UGGT1: variants seen among roughly 807,000 people sequenced by gnomAD.
UGGT1 encodes UDP-glucose:glycoprotein glucosyltransferase 1.
Under a neutral mutation model 203.9 loss-of-function variants are expected in UGGT1, and 107 were observed. The observed-to-expected ratio is 0.52, with a 90% CI of 0.45 to 0.62. UGGT1 has a LOEUF of 0.62. UGGT1 is among the 20% of genes least tolerant of loss of function. The pLI, the probability that UGGT1 is intolerant of heterozygous loss-of-function variation, is 0.00. For missense variants in UGGT1, 1,673 were observed against 1,867.2 expected (o/e 0.90, Z 1.92); for synonymous variants, 628 against 653.5 (o/e 0.96, Z 0.59).
intron 6 of UGGT1, 48 bp downstream of exon 6, chr2:128,113,306 C>A: frequency 6.9e-7 from 1 of 1,457,522 alleles, no homozygotes; most frequent in East Asian, 2.4e-5. Flanking sequence ...ATTTGCCTAG[C>A]ATGACTTTAG....
chr2:128,170,537 A>G (rs886417399), intron 27 of UGGT1, 147 bp downstream of exon 27: 3 of 650,934 alleles, frequency 4.6e-6, no homozygotes, highest in African/African-American at 3.6e-5. Flanking sequence ...AATCTTTACA[A>G]AGATTGACAG....
rs1475267233 is a variant in UGGT1 at position 128,142,665 on chromosome 2, A to G, written c.1720-429A>G. 1.3e-5 allele frequency among the ~76,000 whole-genome samples: 2 copies of G among 151,216 alleles called. 1 individual carries two copies. The highest frequency in any genetic ancestry group is 3.0e-5 in the Non-Finnish European group (2 of 67,766). ...GGTATATGGAAAAGGAAGAATTGCT[A>G]ACATGTCCCAATTTGACCTTTCAAG... On this transcript the variant is annotated intron_variant, in intron 16 of 40. Transcript: ENST00000259253.
Position 128,120,410 on chromosome 2 carries a change from A to G in UGGT1, c.927A>G (p.Val309=). The G allele has an allele frequency of 6.2e-7, 1 of 1,614,110 alleles. No individual in the cohort carries two copies. The highest frequency in any genetic ancestry group is 8.5e-7 in the Non-Finnish European group (1 of 1,179,974). ...GQLKELRKHL[V]ESTNEMAPLK... Reference sequence around the variant, plus strand: ...TGAAAGAACTCAGAAAGCATCTTGTAGAGAGCACCAATGAAATGGCACCTT... The same window carrying G: ...TGAAAGAACTCAGAAAGCATCTTGTGGAGAGCACCAATGAAATGGCACCTT... The change falls in exon 9 of 41, where the codon GTA becomes GTG. Residue 309 remains valine, a synonymous_variant. Transcript: ENST00000259253.
chr2:128,129,924 CAT>C, intron 13 of UGGT1, among the ~76,000 whole-genome samples: 2 of 152,168 alleles, frequency 1.3e-5, no homozygotes, highest in Middle Eastern at 6.8e-3. Flanking sequence ...TTTTGCCTGC[CAT>C]ATGATCTTTC....
At chr2:128,116,453 C>G in intron 8 of UGGT1, 110 bp downstream of exon 8, 1 of 691,944 alleles carries the variant, frequency 1.4e-6, no homozygotes, top group Non-Finnish European at 2.6e-6. Flanking sequence ...TTCTCATCTC[C>G]TAACAGTACT....
chr2:128,104,512 G>A (rs1366637364), intron 3 of UGGT1, among the ~76,000 whole-genome samples: 1 of 152,224 alleles, frequency 6.6e-6, no homozygotes, highest in African/African-American at 2.4e-5. Flanking sequence ...CAGTTTTTAT[G>A]ATGTGCTTTC....
chr2:128,126,684 CTT>C lies in UGGT1; in HGVS notation c.1135-660_1135-659del, dbSNP rs61353741. ...TGCTATTCACCAGCTCAGGGTCAGT[CTT>C]TTTTTTTTTTTTTTTTGAGACAGTC... is the stretch of plus-strand genomic sequence containing the variant. On this transcript the variant is annotated intron_variant, in intron 11 of 40. Coordinates refer to ENST00000259253, the MANE Select transcript of UGGT1 (RefSeq NM_020120.4). 4.9e-3 allele frequency among the ~76,000 whole-genome samples: 584 copies of C among 119,688 alleles called. 2 individuals carry two copies. Among genetic ancestry groups the C allele is most frequent in the African/African-American group, 0.017 (552 of 32,274 alleles). 78.5% of individuals were successfully genotyped at this position (119,688 alleles called of 152,430 possible). A position where few individuals can be genotyped will look rare whatever the true frequency, so the allele number is the denominator to read the frequency against.
rs397747598 is a variant in UGGT1, at chr2:128,134,047, C to CA, written c.1497+788dup. On this transcript the variant is annotated intron_variant, in intron 14 of 40. Coordinates refer to ENST00000259253, the MANE Select transcript of UGGT1 (RefSeq NM_020120.4). The stretch of plus-strand genomic sequence containing the variant: ...TCTTGTCTGTCTCTTTTCTTCCCCC[C>CA]ACTCCCGCAGAAAGAGTCTTGCTCT... Among the ~76,000 whole-genome samples the CA allele has an allele frequency of 3.8e-3, 579 of 151,948 alleles. 8 individuals are homozygous for CA. Among genetic ancestry groups the CA allele is most frequent in the Middle Eastern group, 0.017 (5 of 292 alleles).
In UGGT1 at chr2:128,195,562, G is replaced by C. The variant is rs1692475622; in HGVS notation, c.*5820G>C. 6.6e-6 allele frequency: 1 copy of C among 152,156 alleles called. No homozygotes were observed. The highest frequency in any genetic ancestry group is 2.1e-4 in the South Asian group (1 of 4,824). The allele number at this position is 152,156 out of a possible 1,614,324, so 9.4% of individuals were successfully genotyped here. A position where few individuals can be genotyped will look rare whatever the true frequency, so the allele number is the denominator to read the frequency against. ...GCCTCTTGCTTGGGAACAGCATTGG[G>C]CTTTTAAATGTCTGCAGAATCTCTG... On this transcript the variant is annotated 3_prime_UTR_variant, in exon 41 of 41. Coordinates refer to ENST00000259253, the MANE Select transcript of UGGT1 (RefSeq NM_020120.4).
chr2:128,102,968 C>T (rs367609170), intron 2 of UGGT1: 1 of 440,382 alleles, frequency 2.3e-6, no homozygotes, highest in African/African-American at 2.1e-5. Context: ...TTCAAGGAGG[C>T]ATTGAGAAAT....
chr2:128,170,056 TC>T (rs1691014286), intron 26 of UGGT1, among the ~76,000 whole-genome samples: 1 of 152,236 alleles, frequency 6.6e-6, no homozygotes, highest in Admixed American at 6.5e-5. Flanking sequence ...AAATACAGTT[TC>T]AAGCTGCTTT....
At chr2:128,128,457 A>C (rs1165448821) in intron 12 of UGGT1, among the ~76,000 whole-genome samples, 1 of 151,786 alleles carries the variant, frequency 6.6e-6, no homozygotes, top group African/African-American at 2.4e-5. Flanking sequence ...GATTACAGGC[A>C]CCTGCCACCA....
chr2:128,170,850 A>G (rs1262369006), intron 27 of UGGT1, among the ~76,000 whole-genome samples: 1 of 152,186 alleles, frequency 6.6e-6, no homozygotes, highest in African/African-American at 2.4e-5. Flanking sequence ...TGCCGAATAA[A>G]TCTCTAACCT....
chr2:128,178,709 A>AT, intron 34 of UGGT1, 140 bp downstream of exon 34: 3 of 729,360 alleles, frequency 4.1e-6, no homozygotes, highest in Non-Finnish European at 6.6e-6. Context: ...CTGGCTTGCC[A>AT]TTTATCATTG....
chr2:128,097,343 C>T (rs1687156308), intron 1 of UGGT1, 86 bp from the exon 2 acceptor site: 1 of 1,487,406 alleles, frequency 6.7e-7, no homozygotes, highest in Non-Finnish European at 9.0e-7. Context: ...CCACTGCACT[C>T]CAGCCTGGGC....
intron 26 of UGGT1, among the ~76,000 whole-genome samples, chr2:128,167,242 G>A (rs2104767058): frequency 6.6e-6 from 1 of 152,272 alleles, no homozygotes; most frequent in East Asian, 1.9e-4. Context: ...TCCCTTTTCA[G>A]AAATCTTCTT....
chr2:128,161,323 T>A, intron 25 of UGGT1, 55 bp downstream of exon 25: 1 of 1,586,512 alleles, frequency 6.3e-7, no homozygotes. Flanking sequence ...CTTTCCTCAT[T>A]GATCAGTTAG....
At position 128,112,474 on chromosome 2, in the gene UGGT1, T is replaced by A. The variant is rs1303557476; in HGVS notation, c.522-610T>A. The stretch of plus-strand genomic sequence containing the variant: ...CTATGTTATATATATATATATATAT[T>A]ACATACATACATACTCAAGTTTTAG... On this transcript the variant is annotated intron_variant, in intron 5 of 40. Coordinates refer to ENST00000259253, the MANE Select transcript of UGGT1 (RefSeq NM_020120.4). Among the ~76,000 whole-genome samples the A allele has an allele frequency of 4.9e-4, 16 of 32,484 alleles. 2 individuals are homozygous for A. Among genetic ancestry groups the A allele is most frequent in the Admixed American group, 4.5e-3 (12 of 2,656 alleles). The allele number at this position is 32,484 out of a possible 152,430, so 21.3% of individuals were successfully genotyped here. A position where few individuals can be genotyped will look rare whatever the true frequency, so the allele number is the denominator to read the frequency against.
chr2:128,147,645 C>G (rs1025886725), intron 18 of UGGT1, among the ~76,000 whole-genome samples: 1 of 151,714 alleles, frequency 6.6e-6, no homozygotes, highest in African/African-American at 2.4e-5. Flanking sequence ...GGGTCTCGCT[C>G]TGTCACCCGG....
Sources: gnomAD v4.1 joint callset for allele counts (sites outside exome capture counted in the v4.1 genomes callset) on GRCh38, gnomAD v4.1.1 for gene constraint, MANE v1.5 for transcripts, NCBI Gene and HGNC (gene_info 2026-07-23, HGNC 2026-07-21) for gene names.